KMT2A: variants seen among roughly 807,000 people sequenced by gnomAD.
KMT2A encodes histone-lysine N-methyltransferase 2A.
KMT2A carries 16 observed loss-of-function variants against 345.3 expected under a neutral mutation model. That is an observed-to-expected ratio of 0.05 (90% CI 0.03 to 0.07). The LOEUF (loss-of-function observed/expected upper bound fraction) is 0.07. Ranked by LOEUF, KMT2A falls within the 10% of genes least tolerant of loss-of-function variation. The pLI, the probability that KMT2A is intolerant of heterozygous loss-of-function variation, is 1.00. For synonymous variants in KMT2A, 1,599 were observed against 1,778.6 expected (o/e 0.90, Z 2.54); for missense variants, 3,272 against 4,841.6 (o/e 0.68, Z 9.62).
intron 25 of KMT2A, among the ~76,000 whole-genome samples, chr11:118,501,460 CTG>C: frequency 6.7e-6 from 1 of 150,216 alleles, no homozygotes; most frequent in Middle Eastern, 3.4e-3. Context: ...CAGAGTGAGA[CTG>C]TGTCTCAAAG....
In KMT2A at chr11:118,521,931, C is replaced by T. The variant is rs782646508; in HGVS notation, c.11678C>T (p.Ser3893Leu). 6.2e-7 allele frequency: 1 copy of T among 1,614,152 alleles called. No individual in the cohort carries two copies. The highest frequency in any genetic ancestry group is 1.1e-5 in the South Asian group (1 of 91,078). Residue 3893 changes from serine (S) to leucine (L), a missense_variant, in exon 36 of 36, where the codon TCA becomes TTA. Transcript: ENST00000534358. The surrounding 1 kb of genome is among the most constrained non-coding windows in gnomAD (Gnocchi z 5.3). ...TGCTATATGTTCCGAATTGATGACT[C>T]AGAGGTAGTGGATGCCACCATGCAT... ...IGCYMFRIDD[S>L]EVVDATMHGN...
chr11:118,502,486 C>T lies in KMT2A; in HGVS notation c.6594C>T (p.His2198=), dbSNP rs782638615. 15 of 1,614,048 alleles carry T rather than the reference C, an allele frequency of 9.3e-6. No homozygotes were observed. Among genetic ancestry groups the T allele is most frequent in the African/African-American group, 1.3e-5 (1 of 75,012 alleles). The change falls in exon 27 of 36, where the codon CAC becomes CAT. Residue 2198 remains histidine, a synonymous_variant. Transcript: ENST00000534358. This position sits in a 1 kb window ranked among gnomAD's most constrained non-coding sequence, Gnocchi z 4.9. ...SGLRSIGSRR[H]STSSLSPQRS... ...TTCGAAGCATTGGCTCCAGGCGTCA[C>T]AGTACCTCTTCCTTATCACCCCAGC...
chr11:118,511,440 C>T (rs1420388280), intron 30 of KMT2A, among the ~76,000 whole-genome samples: 2 of 152,084 alleles, frequency 1.3e-5, no homozygotes, highest in South Asian at 2.1e-4. Flanking sequence ...GTAAGAAATC[C>T]ATGTGGAAAT....
intron 10 of KMT2A, among the ~76,000 whole-genome samples, chr11:118,487,312 T>G (rs7951019): frequency 0.021 from 3,129 of 152,288 alleles, 47 homozygotes; most frequent in Non-Finnish European, 0.032. Context: ...AAATTCTTTA[T>G]AGTTGTACAT....
chr11:118,490,347 A>G lies in KMT2A; in HGVS notation c.4696+98A>G, dbSNP rs1053753755. 37 of 1,281,574 alleles carry G rather than the reference A, an allele frequency of 2.9e-5. 1 individual carries two copies. The highest frequency in any genetic ancestry group is 3.5e-5 in the Non-Finnish European group (34 of 958,358). The allele number at this position is 1,281,574 out of a possible 1,614,324, so 79.4% of individuals were successfully genotyped here. A position where few individuals can be genotyped will look rare whatever the true frequency, so the allele number is the denominator to read the frequency against. ...TGAAATGAAATAAAAAGTCTCACAC[A>G]TTATGTCAAGGATACCATTTAGACA... On this transcript the variant is annotated intron_variant, in intron 13 of 35. Transcript: ENST00000534358. The surrounding 1 kb of genome is among the most constrained non-coding windows in gnomAD (Gnocchi z 4.2).
chr11:118,444,607 G>A (rs562080859), intron 1 of KMT2A, among the ~76,000 whole-genome samples: 4 of 152,152 alleles, frequency 2.6e-5, no homozygotes, highest in Non-Finnish European at 5.9e-5. Context: ...ACAGGATCTT[G>A]CTTTGTTGCC....
At chr11:118,507,637 C>T (rs781892445) in intron 28 of KMT2A, 28 bp downstream of exon 28, 1 of 1,573,876 alleles carries the variant, frequency 6.4e-7, no homozygotes, top group Non-Finnish European at 8.7e-7. Context: ...TCTTTTAAGA[C>T]TAAGCTCTCA....
In KMT2A at chr11:118,505,279, A is replaced by T. The variant is rs782495468; in HGVS notation, c.9387A>T (p.Gly3129=). Residue 3129 remains glycine (G), a synonymous_variant, in exon 27 of 36, where the codon GGA becomes GGT. Transcript: ENST00000534358. This position sits in a 1 kb window ranked among gnomAD's most constrained non-coding sequence, Gnocchi z 4.6. ...ATACTTCAGTATTGGGACCCATGGG[A>T]GGTGGTCTCACCCTTACCACAGGAC... ...ETNTSVLGPM[G]GGLTLTTGLN... 6.2e-7 allele frequency: 1 copy of T among 1,614,198 alleles called. No individual in the cohort carries two copies.
In KMT2A at chr11:118,505,220, T is replaced by C. The variant is rs200141649; in HGVS notation, c.9328T>C (p.Ser3110Pro). 3.1e-6 allele frequency: 5 copies of C among 1,614,022 alleles called. No individual in the cohort carries two copies. In the East Asian group the frequency reaches 8.9e-5, roughly 29 times the overall value. ...GVTQKIQLTSSVSSTPSVMET... is the reference protein window; with the variant it reads ...GVTQKIQLTSPVSSTPSVMET... ...GACCCAAAAAATCCAATTGACCTCT[T>C]CTGTTAGTTCTACACCCAGTGTGAT... The change falls in exon 27 of 36, where the codon TCT becomes CCT. Residue 3110 changes from serine to proline, a missense_variant. Coordinates refer to ENST00000534358, the MANE Select transcript of KMT2A (RefSeq NM_001197104.2). The surrounding 1 kb of genome is among the most constrained non-coding windows in gnomAD (Gnocchi z 4.6).
chr11:118,444,518 G>A (rs1242988305), intron 1 of KMT2A, among the ~76,000 whole-genome samples: 1 of 152,210 alleles, frequency 6.6e-6, no homozygotes, highest in Non-Finnish European at 1.5e-5. Flanking sequence ...ATGGGCTCTG[G>A]ATTTAAACTG....
Position 118,506,291 on chromosome 11 carries a change from G to A in KMT2A, c.10399G>A (p.Gly3467Arg), listed in dbSNP as rs782266425. ...HVNQLLASKT[G>R]IHSSQRDLDS... The stretch of plus-strand genomic sequence containing the variant: ...GAACCAGCTCCTTGCCAGCAAAACT[G>A]GGATTCATTCTTCCCAGCGTGATCT... The change falls in exon 27 of 36, where the codon GGG becomes AGG. Residue 3467 changes from glycine to arginine, a missense_variant. Transcript: ENST00000534358. 11 of 1,614,150 alleles carry A rather than the reference G, an allele frequency of 6.8e-6. No individual in the cohort carries two copies. Among genetic ancestry groups the A allele is most frequent in the Non-Finnish European group, 9.3e-6 (11 of 1,180,030 alleles).
chr11:118,460,215 ATTGCC>A (rs1949719971), intron 1 of KMT2A, among the ~76,000 whole-genome samples: 3 of 152,194 alleles, frequency 2.0e-5, no homozygotes, highest in Non-Finnish European at 2.9e-5. Flanking sequence ...GGAGATATAC[ATTGCC>A]ATCCTTTGGA....
Position 118,526,301 on chromosome 11 carries a change from T to C in KMT2A, c.*4129T>C, listed in dbSNP as rs1194299235. 8.9e-6 allele frequency: 2 copies of C among 224,034 alleles called. No homozygotes were observed. Among genetic ancestry groups the C allele is most frequent in the Non-Finnish European group, 1.8e-5 (2 of 112,432 alleles). The allele number at this position is 224,034 out of a possible 1,614,324, so 13.9% of individuals were successfully genotyped here. A position where few individuals can be genotyped will look rare whatever the true frequency, so the allele number is the denominator to read the frequency against. The stretch of plus-strand genomic sequence containing the variant: ...TATTTTTGGTTATGAATGTTGGGGT[T>C]ACCACCTGCATTTAGGGGAAAATTG... On this transcript the variant is annotated 3_prime_UTR_variant, in exon 36 of 36. Coordinates refer to ENST00000534358, the MANE Select transcript of KMT2A (RefSeq NM_001197104.2).
chr11:118,512,588 C>T (rs1950713115), intron 31 of KMT2A, among the ~76,000 whole-genome samples: 1 of 152,096 alleles, frequency 6.6e-6, no homozygotes, highest in East Asian at 1.9e-4. Context: ...AATAATGTTG[C>T]CACAAATATT....
At chr11:118,508,527 A>T (rs1950628177) in intron 28 of KMT2A, among the ~76,000 whole-genome samples, 1 of 152,116 alleles carries the variant, frequency 6.6e-6, no homozygotes, top group Admixed American at 6.6e-5. Context: ...GCTTGAGCCC[A>T]GGAGTTTGAA....
At chr11:118,466,207 G>A (rs1555034059) in intron 1 of KMT2A, among the ~76,000 whole-genome samples, 1 of 152,080 alleles carries the variant, frequency 6.6e-6, no homozygotes, top group Non-Finnish European at 1.5e-5. Context: ...GTACATGCCT[G>A]TAGTCCCAGC....
rs373435126 is a variant in KMT2A at position 118,491,896 on chromosome 11, C to T, written c.4972C>T (p.Arg1658Trp). ...KQVLTALLNS[R>W]TTSHLLRYRQ... ...AGTTCTGACAGCTTTGTTGAATTCTCGGACTACCAGCCATTTGCTACGCTA... is the reference window on the plus strand; with the variant it reads ...AGTTCTGACAGCTTTGTTGAATTCTTGGACTACCAGCCATTTGCTACGCTA... Residue 1658 changes from arginine to tryptophan, a missense_variant, in exon 15 of 36, where the codon CGG (arginine) becomes TGG (tryptophan). Coordinates refer to ENST00000534358, the MANE Select transcript of KMT2A (RefSeq NM_001197104.2). This position sits in a 1 kb window ranked among gnomAD's most constrained non-coding sequence, Gnocchi z 4.2. 16 of 1,613,736 alleles carry T rather than the reference C, an allele frequency of 9.9e-6. No individual in the cohort carries two copies. Among genetic ancestry groups the T allele is most frequent in the East Asian group, 4.5e-5 (2 of 44,890 alleles).
chr11:118,459,473 C>A (rs1949706145), intron 1 of KMT2A, among the ~76,000 whole-genome samples: 1 of 152,044 alleles, frequency 6.6e-6, no homozygotes, highest in African/African-American at 2.4e-5. Context: ...CTGTGAAGTA[C>A]CTAGGAGTCT....
At chr11:118,499,243 A>T (rs560038892) in intron 22 of KMT2A, 60 bp from the exon 23 acceptor site, 2 of 1,030,524 alleles carry the variant, frequency 1.9e-6, no homozygotes, top group Admixed American at 1.7e-5. Context: ...GACAGTCAGG[A>T]TCATAAGTAT....
Sources: allele counts gnomAD v4.1 joint callset (sites outside exome capture counted in the v4.1 genomes callset), GRCh38; gene constraint gnomAD v4.1.1; non-coding constraint Gnocchi (gnomAD v3.1); transcripts MANE v1.5; gene names NCBI Gene and HGNC (gene_info 2026-07-23, HGNC 2026-07-21).